Variants in SEL1L3 observed in about 807,000 individuals in gnomAD.
SEL1L3 encodes protein sel-1 homolog 3.
A neutral mutation model predicts 142.8 loss-of-function variants in SEL1L3; 76 were observed. The observed-to-expected ratio is 0.53, with a 90% CI of 0.44 to 0.64. The LOEUF is 0.64. Ranked by LOEUF, SEL1L3 falls within the 30% of genes least tolerant of loss-of-function variation. The pLI is 0.00. For synonymous variants in SEL1L3, 504 were observed against 519.6 expected (o/e 0.97, Z 0.41); for missense variants, 1,262 against 1,381.7 (o/e 0.91, Z 1.37).
chr4:25,835,672 T>C (rs1206260196), intron 2 of SEL1L3, among the ~76,000 whole-genome samples: 1 of 152,248 alleles, frequency 6.6e-6, no homozygotes, highest in African/African-American at 2.4e-5. Context: ...TCTTGCCCTC[T>C]GAATGCTAAG....
intron 9 of SEL1L3, among the ~76,000 whole-genome samples, chr4:25,815,326 C>T (rs982289016): frequency 6.6e-6 from 1 of 152,190 alleles, no homozygotes; most frequent in Non-Finnish European, 1.5e-5. Context: ...GCAGAACAGG[C>T]TCACTGTGCG....
rs1384294523 is a variant in SEL1L3 at position 25,847,436 on chromosome 4, A to G, written c.591T>C (p.Ala197=). The stretch of plus-strand genomic sequence containing the variant: ...GCAGGAGGGTATAATTCTTTGCTAC[A>G]GCATGGAGCAAGTTTTCCTCCCATT... The part of the protein sequence containing the change: ...NVKWEENLLH[A]VAKNYTLLQT... Residue 197 remains alanine, a synonymous_variant, in exon 2 of 24, where the codon GCT becomes GCC. Coordinates refer to ENST00000399878, the MANE Select transcript of SEL1L3 (RefSeq NM_015187.5). 6.2e-7 allele frequency: 1 copy of G among 1,614,028 alleles called. No homozygotes were observed.
chr4:25,795,060 T>TGGGGGGGGGGGGGG (rs199884490), intron 11 of SEL1L3, among the ~76,000 whole-genome samples: 4 of 42,310 alleles, frequency 9.5e-5, no homozygotes, highest in Admixed American at 2.5e-4. Flanking sequence ...TCTTGGGGGG[T>TGGGGGGGGGGGGGG]GGGGGGGAGG....
chr4:25,807,789 G>A (rs1250261776), intron 9 of SEL1L3, among the ~76,000 whole-genome samples: 2 of 152,010 alleles, frequency 1.3e-5, no homozygotes, highest in African/African-American at 2.4e-5. Flanking sequence ...TGAGATTGCT[G>A]GAGAAGAAGG....
At position 25,835,595 on chromosome 4, in the gene SEL1L3, G is replaced by A. The variant is rs190576751; in HGVS notation, c.734-272C>T. ...AAAAGCCCGAGGCTAAGTTCACAAA[G>A]TTAATAAGTGATAGAACCACAATTC... On this transcript the variant is annotated intron_variant, in intron 2 of 23. Transcript: ENST00000399878. 3.3e-3 allele frequency among the ~76,000 whole-genome samples: 502 copies of A among 152,292 alleles called. 5 individuals carry two copies. The highest frequency in any genetic ancestry group is 0.012 in the African/African-American group (478 of 41,556).
At chr4:25,783,433 G>A (rs546771262) in intron 14 of SEL1L3, among the ~76,000 whole-genome samples, 1 of 152,348 alleles carries the variant, frequency 6.6e-6, no homozygotes, top group South Asian at 2.1e-4. Flanking sequence ...GGTCATTTTA[G>A]GAGTCTTCAT....
the SEL1L3 span, among the ~76,000 whole-genome samples, chr4:25,735,702 A>G: frequency 6.6e-6 from 1 of 151,768 alleles, no homozygotes; most frequent in Non-Finnish European, 1.5e-5. Flanking sequence ...TTTCAGTTCA[A>G]AATATTTTAT....
chr4:25,860,904 T>A (rs1717660243), intron 1 of SEL1L3, among the ~76,000 whole-genome samples: 1 of 152,318 alleles, frequency 6.6e-6, no homozygotes, highest in African/African-American at 2.4e-5. Context: ...TCTGTTCTCT[T>A]AATCCCCCTT....
the SEL1L3 span, among the ~76,000 whole-genome samples, chr4:25,735,038 T>G: frequency 6.6e-6 from 1 of 152,218 alleles, no homozygotes; most frequent in East Asian, 1.9e-4. Flanking sequence ...TCCTAAAATG[T>G]TTCATAGATT....
chr4:25,837,278 C>T lies in SEL1L3; in HGVS notation c.734-1955G>A, dbSNP rs550208318. ...TGGAGCAGAAGAGACCAGATGGCCA[C>T]GTTAGACCCCTAGGAAGCCTTCTGC... On this transcript the variant is annotated intron_variant, in intron 2 of 23. Transcript: ENST00000399878. Among the ~76,000 whole-genome samples, 14 of 147,232 alleles carry T rather than the reference C, an allele frequency of 9.5e-5. No homozygotes were observed. The East Asian group carries it at 2.4e-3, about 25-fold the overall frequency.
At chr4:25,718,607 A>G in the SEL1L3 span, 1 of 152,190 alleles carries the variant, frequency 6.6e-6, no homozygotes, top group Non-Finnish European at 1.5e-5. Context: ...ATTTTCGATC[A>G]GTTTATCGTA....
intron 11 of SEL1L3, 142 bp from the exon 12 acceptor site, chr4:25,790,716 G>A (rs1239238960): frequency 5.1e-5 from 7 of 136,888 alleles, no homozygotes; most frequent in Non-Finnish European, 8.8e-5. Context: ...AGAAAAGAAG[G>A]AGAGAGGGAG....
At chr4:25,845,683 C>G (rs1457403996) in intron 2 of SEL1L3, among the ~76,000 whole-genome samples, 1 of 150,846 alleles carries the variant, frequency 6.6e-6, no homozygotes, top group Non-Finnish European at 1.5e-5. Context: ...AAATCACATC[C>G]CAGAGATGAC....
chr4:25,791,217 C>T (rs1712315590), intron 11 of SEL1L3, among the ~76,000 whole-genome samples: 2 of 152,186 alleles, frequency 1.3e-5, no homozygotes, highest in South Asian at 2.1e-4. Flanking sequence ...TCTTTTATTT[C>T]GCAGGTTCTG....
chr4:25,835,187 C>T lies in SEL1L3; in HGVS notation c.860+10G>A. On this transcript the variant is annotated intron_variant, in intron 3 of 23. Transcript: ENST00000399878. Reference sequence around the variant, plus strand: ...CGCCCGATCAGCTCCCTTCTGCTACCCATCCTTACACTGGGTAATCCATCC... The same window carrying T: ...CGCCCGATCAGCTCCCTTCTGCTACTCATCCTTACACTGGGTAATCCATCC... The T allele has an allele frequency of 6.2e-7, 1 of 1,613,810 alleles. No individual in the cohort carries two copies. The highest frequency in any genetic ancestry group is 1.7e-4 in the Middle Eastern group (1 of 6,056).
the SEL1L3 span, among the ~76,000 whole-genome samples, chr4:25,735,817 C>T: frequency 2.1e-5 from 3 of 142,114 alleles, no homozygotes; most frequent in Admixed American, 7.1e-5. Flanking sequence ...TGTTTATTTT[C>T]TAACTATTCT....
chr4:25,755,338 A>G (rs1717881570), intron 23 of SEL1L3, among the ~76,000 whole-genome samples: 2 of 151,976 alleles, frequency 1.3e-5, no homozygotes. Context: ...CCTGAGCTCA[A>G]GTGATCCTCC....
intron 1 of SEL1L3, among the ~76,000 whole-genome samples, chr4:25,854,846 GGACT>G (rs1301346312): frequency 1.3e-5 from 2 of 152,220 alleles, no homozygotes; most frequent in African/African-American, 4.8e-5. Context: ...CAAATTTTAA[GGACT>G]GAGATGGATT....
At position 25,805,673 on chromosome 4, in the gene SEL1L3, A is replaced by G. The variant is rs535242890; in HGVS notation, c.1565-921T>C. Among the ~76,000 whole-genome samples, 4 of 151,900 alleles carry G rather than the reference A, an allele frequency of 2.6e-5. No homozygotes were observed. In the South Asian group the frequency reaches 6.2e-4, roughly 24 times the overall value. On this transcript the variant is annotated intron_variant, in intron 9 of 23. Transcript: ENST00000399878. Reference sequence around the variant, plus strand: ...AAGCAAGTTTTATGGCCCTAGATGTACTGTTAGAGTCTTCTAAAGTCTATC... The same window carrying G: ...AAGCAAGTTTTATGGCCCTAGATGTGCTGTTAGAGTCTTCTAAAGTCTATC...
Sources: gnomAD v4.1 joint callset for allele counts (sites outside exome capture counted in the v4.1 genomes callset) on GRCh38, gnomAD v4.1.1 for gene constraint, MANE v1.5 for transcripts, NCBI Gene and HGNC (gene_info 2026-07-23, HGNC 2026-07-21) for gene names.